The following ME3 variants were observed in gnomAD, a reference collection of about 807,000 sequenced individuals.
ME3 encodes NADP-dependent malic enzyme, mitochondrial.
A neutral mutation model predicts 68.9 loss-of-function variants in ME3; 48 were observed. That is an observed-to-expected ratio of 0.70 (90% CI 0.55 to 0.89). ME3 has a LOEUF of 0.89. ME3 is among the 40% of genes least tolerant of loss of function. The pLI, the probability that ME3 is intolerant of heterozygous loss-of-function variation, is 0.00. For missense variants in ME3, 675 were observed against 797.4 expected, an observed-to-expected ratio of 0.85 and a Z score of 1.85; for synonymous variants, 320 against 318.8, an observed-to-expected ratio of 1.00 and a Z score of -0.04.
At chr11:86,634,913 A>G (rs1944238098) in intron 2 of ME3, among the ~76,000 whole-genome samples, 1 of 151,290 alleles carries the variant, frequency 6.6e-6, no homozygotes, top group Admixed American at 6.6e-5. Flanking sequence ...TGAGAATAAC[A>G]ACAACAACAA....
At chr11:86,509,246 C>T (rs764096880) in intron 4 of ME3, among the ~76,000 whole-genome samples, 1 of 152,252 alleles carries the variant, frequency 6.6e-6, no homozygotes, top group African/African-American at 2.4e-5. Flanking sequence ...ACAGACCACA[C>T]TGCAGTAGCT....
intron 4 of ME3, among the ~76,000 whole-genome samples, chr11:86,515,332 A>T (rs1431146810): frequency 6.6e-6 from 1 of 152,182 alleles, no homozygotes; most frequent in Non-Finnish European, 1.5e-5. Context: ...ATGCTCTTGC[A>T]ACACTATCCA....
At chr11:86,639,306 T>G (rs1163320925) in intron 2 of ME3, among the ~76,000 whole-genome samples, 1 of 143,262 alleles carries the variant, frequency 7.0e-6, no homozygotes, top group African/African-American at 2.6e-5. Flanking sequence ...ACATAATGTG[T>G]TTCCACAAGA....
At chr11:86,595,292 C>CAT (rs775768095) in intron 2 of ME3, among the ~76,000 whole-genome samples, 7,864 of 124,134 alleles carry the variant, frequency 0.063, 1,147 homozygotes, top group African/African-American at 0.2. Context: ...TATACATATA[C>CAT]ATATATATAT....
chr11:86,618,227 G>A (rs1355751048), intron 2 of ME3, among the ~76,000 whole-genome samples: 2 of 148,118 alleles, frequency 1.4e-5, no homozygotes, highest in Non-Finnish European at 1.5e-5. Context: ...CTGAGCCTGG[G>A]AGGTGGAGGC....
chr11:86,550,564 C>G (rs1387096208), intron 4 of ME3, among the ~76,000 whole-genome samples: 1 of 152,190 alleles, frequency 6.6e-6, no homozygotes, highest in African/African-American at 2.4e-5. Flanking sequence ...AGCAGCACAG[C>G]TGAAAGTTTC....
chr11:86,615,192 A>G (rs1942872744), intron 2 of ME3, among the ~76,000 whole-genome samples: 1 of 152,094 alleles, frequency 6.6e-6, no homozygotes, highest in Admixed American at 6.6e-5. Flanking sequence ...GACCCTACAC[A>G]TATTTTTTCA....
chr11:86,550,583 GTCT>G (rs1274460907), intron 4 of ME3, among the ~76,000 whole-genome samples: 3 of 152,262 alleles, frequency 2.0e-5, no homozygotes, highest in Non-Finnish European at 4.4e-5. Flanking sequence ...TCGCAGCAGA[GTCT>G]GGGTGAAATT....
At chr11:86,554,095 G>C (rs1326192392) in intron 4 of ME3, among the ~76,000 whole-genome samples, 1 of 152,196 alleles carries the variant, frequency 6.6e-6, no homozygotes, top group Non-Finnish European at 1.5e-5. Flanking sequence ...AGTCCTGGTG[G>C]TGTCCCTGGA....
intron 8 of ME3, among the ~76,000 whole-genome samples, chr11:86,464,342 G>A (rs1950373048): frequency 6.6e-6 from 1 of 152,228 alleles, no homozygotes; most frequent in South Asian, 2.1e-4. Flanking sequence ...GATCAAGTGA[G>A]ATGAATCCCT....
intron 2 of ME3, among the ~76,000 whole-genome samples, chr11:86,562,700 G>T (rs1957295485): frequency 6.6e-6 from 1 of 151,858 alleles, no homozygotes; most frequent in South Asian, 2.1e-4. Flanking sequence ...TAGATACAGG[G>T]GTACATGCGC....
At chr11:86,619,469 T>C (rs1037834196) in intron 2 of ME3, among the ~76,000 whole-genome samples, 1 of 152,248 alleles carries the variant, frequency 6.6e-6, no homozygotes, top group Non-Finnish European at 1.5e-5. Context: ...TCATCTTGAA[T>C]TGTAGCTCCC....
At chr11:86,557,311 G>A (rs913322352) in intron 3 of ME3, among the ~76,000 whole-genome samples, 9 of 152,116 alleles carry the variant, frequency 5.9e-5, no homozygotes, top group Non-Finnish European at 1.0e-4. Flanking sequence ...CTAAGCCAGG[G>A]AAAGAGGCTT....
At chr11:86,499,203 C>G (rs674250) in intron 5 of ME3, among the ~76,000 whole-genome samples, 140,393 of 151,942 alleles carry the variant, frequency 0.92, 64,969 homozygotes, top group Non-Finnish European at 0.95. Context: ...GGGGTGGGGA[C>G]AATGTAGGAT....
At chr11:86,578,588 C>T (rs181568900) in intron 2 of ME3, among the ~76,000 whole-genome samples, 1 of 152,262 alleles carries the variant, frequency 6.6e-6, no homozygotes, top group East Asian at 1.9e-4. Flanking sequence ...CTAATATGAA[C>T]CAAATCCTCA....
chr11:86,441,179 A>T, exon 15 of ME3: 1 of 1,211,004 alleles, frequency 8.3e-7, no homozygotes, highest in South Asian at 2.6e-5. Flanking sequence ...AAAAGAAAAA[A>T]CACAGCGACA....
rs181472196 is a variant in ME3, at chr11:86,524,425, A to C, written c.468-15558T>G. Among the ~76,000 whole-genome samples, 127 of 152,316 alleles carry C rather than the reference A, an allele frequency of 8.3e-4. 1 individual carries two copies. Among genetic ancestry groups the C allele is most frequent in the Admixed American group, 8.2e-3 (126 of 15,296 alleles). The stretch of plus-strand genomic sequence containing the variant: ...GTAGTCACACATTTTTTTCCACTGA[A>C]TCATAAATCTGCAGCCTCAGTTTAA... On this transcript the variant is annotated intron_variant, in intron 4 of 14. Coordinates refer to ENST00000543262, the Ensembl canonical transcript of ME3.
intron 4 of ME3, among the ~76,000 whole-genome samples, chr11:86,515,128 A>G (rs1383410063): frequency 6.6e-6 from 1 of 152,212 alleles, no homozygotes; most frequent in Non-Finnish European, 1.5e-5. Context: ...GTAGGAACAA[A>G]ATATAAGGAT....
chr11:86,455,974 C>G (rs565870527), intron 8 of ME3, among the ~76,000 whole-genome samples: 5 of 152,322 alleles, frequency 3.3e-5, no homozygotes, highest in African/African-American at 9.6e-5. Context: ...TTAATTTTCT[C>G]CAAAGTCCAC....
Sources: allele counts gnomAD v4.1 joint callset (sites outside exome capture counted in the v4.1 genomes callset), GRCh38; gene constraint gnomAD v4.1.1; transcripts MANE v1.5; gene names NCBI Gene and HGNC (gene_info 2026-07-23, HGNC 2026-07-21).